Variants in PCDH15 observed in about 807,000 individuals in gnomAD.
PCDH15 encodes the protein protocadherin related 15, also known as protocadherin-15.
PCDH15 carries 129 observed loss-of-function variants against 178.5 expected under a neutral mutation model. That is an observed-to-expected ratio of 0.72 (90% CI 0.63 to 0.84). The LOEUF (loss-of-function observed/expected upper bound fraction) is 0.84. Among genes scored for constraint, PCDH15 ranks in the 40% least tolerant of loss-of-function variants. The pLI, the probability that PCDH15 is intolerant of heterozygous loss-of-function variation, is 0.00. For missense variants in PCDH15, 2,230 were observed against 2,099.9 expected (o/e 1.06, Z -1.21); for synonymous variants, 800 against 732.0 (o/e 1.09, Z -1.50).
chr10:53,830,270 C>G (rs12764366), intron 30 of PCDH15, among the ~76,000 whole-genome samples: 5,463 of 151,110 alleles, frequency 0.036, 154 homozygotes, highest in East Asian at 0.091. Flanking sequence ...CCACTGCACT[C>G]CAGCCTGGGC....
At chr10:54,675,901 C>A (rs1370224746) in intron 1 of PCDH15, among the ~76,000 whole-genome samples, 1 of 152,104 alleles carries the variant, frequency 6.6e-6, no homozygotes, top group African/African-American at 2.4e-5. Flanking sequence ...ATCATTTTCA[C>A]AAAATGTCCT....
At chr10:53,810,231 TA>T (rs1414993553) in intron 37 of PCDH15, among the ~76,000 whole-genome samples, 16 of 152,210 alleles carry the variant, frequency 1.1e-4, no homozygotes, top group African/African-American at 3.6e-4. Context: ...GGAGCAAAAG[TA>T]ACCTTTGTAT....
At chr10:55,389,965 T>A (rs1283296735) in intron 2 of PCDH15, among the ~76,000 whole-genome samples, 1 of 152,130 alleles carries the variant, frequency 6.6e-6, no homozygotes, top group Non-Finnish European at 1.5e-5. Flanking sequence ...TTTAAGAATA[T>A]TTTTAGATTT....
intron 2 of PCDH15, among the ~76,000 whole-genome samples, chr10:55,022,604 T>A (rs942796314): frequency 1.3e-5 from 2 of 152,072 alleles, no homozygotes; most frequent in African/African-American, 2.4e-5. Flanking sequence ...AACACACAAT[T>A]TTTTCTGTAA....
chr10:54,063,625 ACTAG>A (rs2094076267), intron 18 of PCDH15, among the ~76,000 whole-genome samples: 1 of 152,026 alleles, frequency 6.6e-6, no homozygotes, highest in Non-Finnish European at 1.5e-5. Context: ...TTTTGCTCGG[ACTAG>A]CTGTGTTTGT....
intron 2 of PCDH15, among the ~76,000 whole-genome samples, chr10:54,966,935 A>T (rs1415176296): frequency 6.6e-6 from 1 of 152,164 alleles, no homozygotes; most frequent in African/African-American, 2.4e-5. Flanking sequence ...ATCTAAAAAT[A>T]TCTAAACATA....
intron 2 of PCDH15, among the ~76,000 whole-genome samples, chr10:54,979,404 C>T (rs77139256): frequency 2.1e-3 from 316 of 152,176 alleles, no homozygotes; most frequent in African/African-American, 7.3e-3. Context: ...TGAGGTGGCT[C>T]ACACCTGTAA....
intron 2 of PCDH15, among the ~76,000 whole-genome samples, chr10:54,570,411 C>A (rs1307444682): frequency 2.0e-5 from 3 of 152,066 alleles, no homozygotes; most frequent in Non-Finnish European, 4.4e-5. Flanking sequence ...TTTGCTTACT[C>A]ATTTTTAATT....
intron 3 of PCDH15, among the ~76,000 whole-genome samples, chr10:54,452,235 T>C (rs1336313688): frequency 6.6e-6 from 1 of 151,954 alleles, no homozygotes; most frequent in Non-Finnish European, 1.5e-5. Flanking sequence ...TACTAAGTGC[T>C]TTCACATATA....
chr10:55,250,212 C>T (rs1255159228), intron 1 of PCDH15, among the ~76,000 whole-genome samples: 4 of 152,060 alleles, frequency 2.6e-5, no homozygotes, highest in African/African-American at 9.7e-5. Context: ...GGTGCAATCA[C>T]AGCTCACTGA....
chr10:53,961,747 C>T lies in PCDH15; in HGVS notation c.3009+5G>A. The T allele has an allele frequency of 6.2e-7, 1 of 1,601,606 alleles. No individual in the cohort carries two copies. Among genetic ancestry groups the T allele is most frequent in the Non-Finnish European group, 8.5e-7 (1 of 1,173,468 alleles). ...ATAGACCACATAATGAAAAGAGACA[C>T]TGACCTTAAAAATTGTTGTAGGTTC... On this transcript the variant is annotated splice_donor_5th_base_variant and intron_variant, in intron 22 of 37. Transcript: ENST00000644397.
chr10:53,841,095 G>T (rs77696142), intron 28 of PCDH15, among the ~76,000 whole-genome samples: 4,457 of 152,166 alleles, frequency 0.029, 133 homozygotes, highest in East Asian at 0.15. Flanking sequence ...ATACCATCTG[G>T]TATAAATTAG....
chr10:55,127,276 T>C (rs1056499245), intron 2 of PCDH15, among the ~76,000 whole-genome samples: 5 of 152,074 alleles, frequency 3.3e-5, no homozygotes, highest in Non-Finnish European at 7.4e-5. Flanking sequence ...TAACCACTAC[T>C]TGATGCTTTA....
intron 25 of PCDH15, among the ~76,000 whole-genome samples, chr10:53,925,417 C>T (rs543626288): frequency 3.4e-4 from 51 of 152,222 alleles, no homozygotes; most frequent in African/African-American, 1.1e-3. Context: ...CGAACACGCC[C>T]GAACATCAGA....
intron 2 of PCDH15, among the ~76,000 whole-genome samples, chr10:54,938,749 T>C (rs1325109949): frequency 6.6e-6 from 1 of 152,190 alleles, no homozygotes; most frequent in Non-Finnish European, 1.5e-5. Flanking sequence ...GAGATTATTC[T>C]AGATAATTTT....
chr10:54,885,556 T>G lies in PCDH15; in HGVS notation c.-29+11894A>C, dbSNP rs1055088078. On this transcript the variant is annotated intron_variant, in intron 3 of 5. Transcript: ENST00000458638. ...AAAATAAATAATAATTTCAAAAAGGTCATCCCCGATACTTCATAGCGGTAT... is the reference window on the plus strand; with the variant it reads ...AAAATAAATAATAATTTCAAAAAGGGCATCCCCGATACTTCATAGCGGTAT... Among the ~76,000 whole-genome samples, 45 of 151,962 alleles carry G rather than the reference T, an allele frequency of 3.0e-4. 3 individuals are homozygous for G.
chr10:53,811,604 A>C lies in PCDH15; in HGVS notation c.4507T>G (p.Ser1503Ala). Residue 1503 changes from serine to alanine, a missense_variant, in exon 36 of 38, where the codon TCT (serine) becomes GCT (alanine). Coordinates refer to ENST00000644397, the MANE Select transcript of PCDH15 (RefSeq NM_001384140.1). ...LLKPEELSME[S>A]GIDPGQEYGQ... ...TATTCCTGGCCAGGATCAATTCCAG[A>C]CTCCATGGATAATTCCTATTGTTCA... The C allele has an allele frequency of 6.4e-7, 1 of 1,564,826 alleles. No individual in the cohort carries two copies. The highest frequency in any genetic ancestry group is 8.7e-7 in the Non-Finnish European group (1 of 1,154,964).
chr10:55,307,686 C>G (rs549073801), intron 1 of PCDH15, among the ~76,000 whole-genome samples: 1 of 151,758 alleles, frequency 6.6e-6, no homozygotes, highest in Non-Finnish European at 1.5e-5. Context: ...TGCCACACCT[C>G]CTACCCATCT....
intron 1 of PCDH15, among the ~76,000 whole-genome samples, chr10:54,787,094 T>A (rs895720462): frequency 3.3e-5 from 5 of 151,826 alleles, no homozygotes; most frequent in African/African-American, 1.2e-4. Context: ...ATTTTGATTC[T>A]AAAAAACTTG....
Sources: gnomAD v4.1 joint callset for allele counts (sites outside exome capture counted in the v4.1 genomes callset) on GRCh38, gnomAD v4.1.1 for gene constraint, MANE v1.5 for transcripts, NCBI Gene and HGNC (gene_info 2026-07-23, HGNC 2026-07-21) for gene names.